Variants in TMEM132C observed in about 807,000 individuals in gnomAD.
TMEM132C encodes protein phosphatase 1, regulatory subunit 152.
TMEM132C carries 29 observed loss-of-function variants against 61.4 expected under a neutral mutation model. That is an observed-to-expected ratio of 0.47 (90% CI 0.35 to 0.64). The LOEUF (loss-of-function observed/expected upper bound fraction) is 0.64. Ranked by LOEUF, TMEM132C falls within the 30% of genes least tolerant of loss-of-function variation. TMEM132C has a pLI of 0.00. For missense variants in TMEM132C, 1,408 were observed against 1,476.9 expected (o/e 0.95, Z 0.76); for synonymous variants, 656 against 633.1 (o/e 1.04, Z -0.54).
intron 2 of TMEM132C, among the ~76,000 whole-genome samples, chr12:128,501,636 G>C (rs564673865): frequency 6.6e-6 from 1 of 152,282 alleles, no homozygotes; most frequent in East Asian, 1.9e-4. Flanking sequence ...TTATGCCCTG[G>C]CTTCAATACT....
At chr12:128,398,119 G>A (rs901840806) in intron 1 of TMEM132C, among the ~76,000 whole-genome samples, 1 of 152,246 alleles carries the variant, frequency 6.6e-6, no homozygotes, top group Non-Finnish European at 1.5e-5. Flanking sequence ...CTGAGCATCA[G>A]TCAGTTAAGA....
At position 128,575,045 on chromosome 12, in the gene TMEM132C, T is replaced by C. The variant is rs200792458; in HGVS notation, c.1121+30942T>C. On this transcript the variant is annotated intron_variant, in intron 3 of 8. Coordinates refer to ENST00000435159, the MANE Select transcript of TMEM132C (RefSeq NM_001136103.3). ...CTCCCGCTATATGCACTACAATTCC[T>C]CGCTGTGTCTTTCTTTGTAATGTGG... Among the ~76,000 whole-genome samples the C allele has an allele frequency of 7.4e-4, 112 of 152,366 alleles. No homozygotes were observed. In the East Asian group the frequency reaches 0.015, roughly 20 times the overall value.
intron 2 of TMEM132C, among the ~76,000 whole-genome samples, chr12:128,503,227 TTATC>T (rs1184386137): frequency 6.6e-6 from 1 of 152,226 alleles, no homozygotes; most frequent in African/African-American, 2.4e-5. Context: ...TGGAGATACA[TTATC>T]TATGCATGGG....
Position 128,705,907 on chromosome 12 carries a change from T to C in TMEM132C, c.2939T>C (p.Leu980Pro). Reference sequence around the variant, plus strand: ...GTGTGGCTTGGCAATGAGGCCGAACTCCTGGAGAGCATGGGGGATGCGCCG... The same window carrying C: ...GTGTGGCTTGGCAATGAGGCCGAACCCCTGGAGAGCATGGGGGATGCGCCG... ...DWVWLGNEAE[L>P]LESMGDAPPP... Residue 980 changes from leucine to proline, a missense_variant, in exon 9 of 9, where the codon CTC (leucine) becomes CCC (proline). By Grantham distance (98) the Leu-to-Pro change is moderately conservative. Transcript: ENST00000435159. The C allele has an allele frequency of 6.4e-7, 1 of 1,551,348 alleles. No homozygotes were observed.
chr12:128,660,625 G>T (rs1954378290), intron 4 of TMEM132C, among the ~76,000 whole-genome samples: 1 of 152,162 alleles, frequency 6.6e-6, no homozygotes, highest in Admixed American at 6.5e-5. Flanking sequence ...CCAGCATATA[G>T]TTCAAGGATG....
intron 2 of TMEM132C, among the ~76,000 whole-genome samples, chr12:128,541,929 T>C (rs1161331397): frequency 1.3e-5 from 2 of 152,150 alleles, no homozygotes; most frequent in African/African-American, 4.8e-5. Context: ...GGTCCCTCTG[T>C]ATTCGGTGTG....
At chr12:128,308,703 T>G (rs1420691799) in intron 1 of TMEM132C, among the ~76,000 whole-genome samples, 2 of 152,114 alleles carry the variant, frequency 1.3e-5, no homozygotes, top group East Asian at 3.9e-4. Flanking sequence ...TGGCCAGCCA[T>G]TGTCATCTTC....
At chr12:128,692,195 C>T (rs995247694) in intron 5 of TMEM132C, among the ~76,000 whole-genome samples, 4 of 152,246 alleles carry the variant, frequency 2.6e-5, no homozygotes, top group Admixed American at 2.6e-4. Context: ...TCCATCCATC[C>T]ATCTGTTCAT....
At chr12:128,576,672 C>T (rs1298093764) in intron 3 of TMEM132C, among the ~76,000 whole-genome samples, 3 of 152,208 alleles carry the variant, frequency 2.0e-5, no homozygotes, top group African/African-American at 7.2e-5. Flanking sequence ...CTGTGTTACA[C>T]ATGTGAAAAT....
At chr12:128,332,143 C>T (rs1254134855) in intron 1 of TMEM132C, among the ~76,000 whole-genome samples, 2 of 152,150 alleles carry the variant, frequency 1.3e-5, no homozygotes, top group Non-Finnish European at 1.5e-5. Flanking sequence ...TTCATTATTA[C>T]ACACAAACAT....
At chr12:128,571,498 T>A (rs1039281021) in intron 3 of TMEM132C, among the ~76,000 whole-genome samples, 2 of 152,154 alleles carry the variant, frequency 1.3e-5, no homozygotes, top group Non-Finnish European at 2.9e-5. Flanking sequence ...ACCATCCACC[T>A]CCAAAATGTT....
At chr12:128,386,709 T>C (rs965145812) in intron 1 of TMEM132C, among the ~76,000 whole-genome samples, 1 of 152,198 alleles carries the variant, frequency 6.6e-6, no homozygotes, top group South Asian at 2.1e-4. Flanking sequence ...TTATCCCCCA[T>C]CTTTTAGATG....
rs1180581831 is a variant in TMEM132C at position 128,415,336 on chromosome 12, C to T, written c.690C>T (p.Tyr230=). The change falls in exon 2 of 9, where the codon TAC becomes TAT. Residue 230 remains tyrosine, a synonymous_variant. Transcript: ENST00000435159. This position sits in a 1 kb window ranked among gnomAD's most constrained non-coding sequence, Gnocchi z 5.8. ...AGGGGACCCCTGTGGAGCTCTACTA[C>T]ACCGTGCACCCAGGAAACGAGCGAG... is the stretch of plus-strand genomic sequence containing the variant. ...QPEGTPVELY[Y]TVHPGNERGD... is the part of the protein sequence containing the mutation. 1 of 1,584,718 alleles carries T rather than the reference C, an allele frequency of 6.3e-7. No individual in the cohort carries two copies. Among genetic ancestry groups the T allele is most frequent in the South Asian group, 1.1e-5 (1 of 87,508 alleles).
intron 2 of TMEM132C, among the ~76,000 whole-genome samples, chr12:128,479,478 T>C (rs1452658404): frequency 1.3e-5 from 2 of 152,160 alleles, no homozygotes; most frequent in Non-Finnish European, 2.9e-5. Context: ...TTAAAACCAC[T>C]GGGGGAAAAA....
intron 3 of TMEM132C, among the ~76,000 whole-genome samples, chr12:128,548,594 T>G (rs1874045286): frequency 6.6e-6 from 1 of 152,182 alleles, no homozygotes. Flanking sequence ...CAAGTCCCTT[T>G]GACTTATAAG....
chr12:128,503,301 C>A (rs767731858), intron 2 of TMEM132C, among the ~76,000 whole-genome samples: 22 of 152,154 alleles, frequency 1.4e-4, no homozygotes, highest in Admixed American at 3.9e-4. Flanking sequence ...AGAAAATTCT[C>A]CCACCTTGGA....
At chr12:128,698,004 G>A (rs1427031317) in intron 8 of TMEM132C, among the ~76,000 whole-genome samples, 1 of 152,180 alleles carries the variant, frequency 6.6e-6, no homozygotes, top group Non-Finnish European at 1.5e-5. Flanking sequence ...TTTGCTCACA[G>A]CGAATGGGTC....
At chr12:128,342,450 A>C (rs944088062) in intron 1 of TMEM132C, among the ~76,000 whole-genome samples, 1 of 152,252 alleles carries the variant, frequency 6.6e-6, no homozygotes, top group African/African-American at 2.4e-5. Context: ...TCTTGATTAC[A>C]TAAGCTAGAA....
Position 128,705,985 on chromosome 12 carries a change from A to G in TMEM132C, c.3017A>G (p.Glu1006Gly). ...TIIDRGPGAC[E>G]ESNHLLLNGG... ...ATAGACCGCGGACCGGGGGCCTGCGAGGAGAGCAACCATCTCCTGCTCAAT... is the reference window on the plus strand; with the variant it reads ...ATAGACCGCGGACCGGGGGCCTGCGGGGAGAGCAACCATCTCCTGCTCAAT... Residue 1006 changes from glutamate to glycine, a missense_variant, in exon 9 of 9, where the codon GAG (glutamate) becomes GGG (glycine). Glu to Gly is a moderately conservative substitution (Grantham distance 98). Coordinates refer to ENST00000435159, the MANE Select transcript of TMEM132C (RefSeq NM_001136103.3). 1 of 1,551,662 alleles carries G rather than the reference A, an allele frequency of 6.4e-7. No individual in the cohort carries two copies. The highest frequency in any genetic ancestry group is 8.7e-7 in the Non-Finnish European group (1 of 1,147,002).
Sources: gnomAD v4.1 joint callset for allele counts (sites outside exome capture counted in the v4.1 genomes callset) on GRCh38, gnomAD v4.1.1 for gene constraint, Gnocchi (gnomAD v3.1) non-coding constraint, MANE v1.5 for transcripts, NCBI Gene and HGNC (gene_info 2026-07-23, HGNC 2026-07-21) for gene names.